The following BTBD8 variants were observed in gnomAD, a reference collection of about 807,000 sequenced individuals.
BTBD8 encodes BTB domain containing 8, also known as BTB/POZ domain-containing protein 8.
A neutral mutation model predicts 162.9 loss-of-function variants in BTBD8; 110 were observed. That is an observed-to-expected ratio of 0.68 (90% CI 0.58 to 0.79). The LOEUF (loss-of-function observed/expected upper bound fraction) is 0.79. Among genes scored for constraint, BTBD8 ranks in the 30% least tolerant of loss-of-function variants. BTBD8 has a pLI of 0.00. For missense variants in BTBD8, 1,905 were observed against 2,085.4 expected (o/e 0.91, Z 1.68); for synonymous variants, 667 against 716.1 (o/e 0.93, Z 1.10).
At position 92,141,177 on chromosome 1, in the gene BTBD8, T is replaced by G; in HGVS notation, c.896T>G (p.Ile299Ser). 1 of 1,585,264 alleles carries G rather than the reference T, an allele frequency of 6.3e-7. No homozygotes were observed. The highest frequency in any genetic ancestry group is 8.6e-7 in the Non-Finnish European group (1 of 1,163,366). ...LEGLKEVAIY[I>S]LRRDYCNFFQ... is the part of the protein sequence containing the mutation. ...GGATTAAAAGAAGTAGCAATCTATA[T>G]TTTAAGAAGAGATTACTGTAATTTC... The change falls in exon 7 of 18, where the codon ATT becomes AGT. Residue 299 changes from isoleucine (I) to serine (S), a missense_variant. Coordinates refer to ENST00000636805, the MANE Select transcript of BTBD8 (RefSeq NM_001376131.1).
intron 9 of BTBD8, among the ~76,000 whole-genome samples, chr1:92,161,516 G>T (rs1212819101): frequency 6.6e-6 from 1 of 152,158 alleles, no homozygotes; most frequent in East Asian, 1.9e-4. Context: ...CTAATATAGA[G>T]AGTTTCTACA....
At chr1:92,111,792 T>C (rs951078383) in intron 4 of BTBD8, among the ~76,000 whole-genome samples, 3 of 152,200 alleles carry the variant, frequency 2.0e-5, no homozygotes, top group Non-Finnish European at 2.9e-5. Flanking sequence ...TAGATATCTG[T>C]AAGACTGGCA....
In BTBD8 at chr1:92,088,987, G is replaced by A. The variant is rs991358840; in HGVS notation, c.347+92G>A. 4 of 1,180,602 alleles carry A rather than the reference G, an allele frequency of 3.4e-6. No individual in the cohort carries two copies. The African/African-American group carries it at 4.7e-5, about 14-fold the overall frequency. 73.1% of individuals were successfully genotyped at this position (1,180,602 alleles called of 1,614,324 possible). ...TTTAATATATTTTCATATGTATTTTGTAACCTGATAAGAAAAATCCATTCA... is the reference window on the plus strand; with the variant it reads ...TTTAATATATTTTCATATGTATTTTATAACCTGATAAGAAAAATCCATTCA... On this transcript the variant is annotated intron_variant, in intron 2 of 17. Transcript: ENST00000636805.
At chr1:92,114,804 A>G in intron 4 of BTBD8, 1 of 289,502 alleles carries the variant, frequency 3.5e-6, no homozygotes, top group Non-Finnish European at 6.6e-6. Flanking sequence ...AGGGGATCTT[A>G]CTCTTTGGAG....
rs907535766 is a variant in BTBD8, at chr1:92,181,537, T to G, written c.3854T>G (p.Ile1285Ser). The part of the protein sequence containing the change: ...QDDDGSNDRG[I>S]SKCGTMLCHD... The stretch of plus-strand genomic sequence containing the variant: ...GATGATGGGTCAAATGACAGAGGTA[T>G]CTCTAAATGTGGCACTATGCTGTGC... Residue 1285 changes from isoleucine (I) to serine (S), a missense_variant, in exon 17 of 18, where the codon ATC becomes AGC. Physicochemically the swap from Ile to Ser is moderately radical, Grantham distance 142 (BLOSUM62 -2). Around this residue, in one of 3 missense-constraint regions of BTBD8, gnomAD observed 517 missense variants for 606.6 expected, o/e 0.85. Transcript: ENST00000636805. The G allele has an allele frequency of 3.9e-6, 6 of 1,551,564 alleles. No homozygotes were observed. In the African/African-American group the frequency reaches 8.2e-5, roughly 21 times the overall value.
At chr1:92,152,164 G>C (rs1000107524) in intron 9 of BTBD8, among the ~76,000 whole-genome samples, 1 of 152,036 alleles carries the variant, frequency 6.6e-6, no homozygotes, top group Non-Finnish European at 1.5e-5. Context: ...TGCTCCATGT[G>C]AGCAAAGATT....
At chr1:92,098,786 A>G (rs1648517346) in intron 2 of BTBD8, among the ~76,000 whole-genome samples, 1 of 152,110 alleles carries the variant, frequency 6.6e-6, no homozygotes, top group Non-Finnish European at 1.5e-5. Flanking sequence ...TCTTTAAACT[A>G]TTATGCTTTT....
In BTBD8 at chr1:92,100,842, C is replaced by T. The variant is rs534994322; in HGVS notation, c.348-1631C>T. ...GGCAGGCTGGTCTCGAACTCCTGAC[C>T]TCGTGATTCGTTTGCCTCGGCCTCC... On this transcript the variant is annotated intron_variant, in intron 2 of 17. Coordinates refer to ENST00000636805, the MANE Select transcript of BTBD8 (RefSeq NM_001376131.1). Among the ~76,000 whole-genome samples, 5 of 152,270 alleles carry T rather than the reference C, an allele frequency of 3.3e-5. No homozygotes were observed. In the East Asian group the frequency reaches 9.6e-4, roughly 29 times the overall value.
intron 4 of BTBD8, among the ~76,000 whole-genome samples, chr1:92,110,249 A>C (rs1648853130): frequency 6.6e-6 from 1 of 152,214 alleles, no homozygotes; most frequent in Non-Finnish European, 1.5e-5. Context: ...AGTGGTTAAG[A>C]GTGTGTGGAC....
At chr1:92,149,651 T>C (rs996718318) in intron 9 of BTBD8, among the ~76,000 whole-genome samples, 2 of 152,218 alleles carry the variant, frequency 1.3e-5, no homozygotes, top group Non-Finnish European at 2.9e-5. Context: ...GCAGCTATTT[T>C]TGGCTTTTAC....
intron 4 of BTBD8, among the ~76,000 whole-genome samples, chr1:92,113,115 T>G (rs1479388899): frequency 6.6e-6 from 1 of 152,206 alleles, no homozygotes; most frequent in Non-Finnish European, 1.5e-5. Context: ...AGAAAATAGT[T>G]TTTGGCATGT....
At position 92,181,324 on chromosome 1, in the gene BTBD8, A is replaced by T; in HGVS notation, c.3641A>T (p.Asn1214Ile). Residue 1214 changes from asparagine (N) to isoleucine (I), a missense_variant, in exon 17 of 18, where the codon AAT becomes ATT. Asn to Ile is a moderately radical substitution (Grantham distance 149, BLOSUM62 -3). Transcript: ENST00000636805. ...CTATCAGAAAAAAATTCTCCTAAAA[A>T]TATGGAAACATCAGAATCTCCAGAG... The part of the protein sequence containing the change: ...GQLSEKNSPK[N>I]METSESPESH... The T allele has an allele frequency of 1.3e-6, 2 of 1,551,500 alleles. No individual in the cohort carries two copies. Among genetic ancestry groups the T allele is most frequent in the Non-Finnish European group, 1.7e-6 (2 of 1,146,950 alleles).
intron 1 of BTBD8, among the ~76,000 whole-genome samples, chr1:92,085,545 C>T (rs561986573): frequency 6.6e-6 from 1 of 152,034 alleles, no homozygotes; most frequent in African/African-American, 2.4e-5. Context: ...CCTGTACTCC[C>T]AGCTACTCAG....
chr1:92,180,860 C>T lies in BTBD8; in HGVS notation c.3177C>T (p.His1059=). Reference sequence around the variant, plus strand: ...AAAGTGAAACAAAATTTCCCAATCACAAAGAAACAGATGATTGCGATGCAG... The same window carrying T: ...AAAGTGAAACAAAATTTCCCAATCATAAAGAAACAGATGATTGCGATGCAG... ...LDKSETKFPN[H]KETDDCDAAN... The change falls in exon 17 of 18, where the codon CAC becomes CAT. Residue 1059 remains histidine, a synonymous_variant. Coordinates refer to ENST00000636805, the MANE Select transcript of BTBD8 (RefSeq NM_001376131.1). 6.4e-7 allele frequency: 1 copy of T among 1,551,552 alleles called. No homozygotes were observed. Among genetic ancestry groups the T allele is most frequent in the Non-Finnish European group, 8.7e-7 (1 of 1,146,962 alleles).
chr1:92,106,708 G>A (rs1648739123), intron 3 of BTBD8, among the ~76,000 whole-genome samples: 1 of 147,536 alleles, frequency 6.8e-6, no homozygotes, highest in East Asian at 2.0e-4. Context: ...CTTTATAGGG[G>A]CCCCTACAAA....
At chr1:92,134,128 TGAAGGAAC>T (rs1649574726) in intron 5 of BTBD8, among the ~76,000 whole-genome samples, 1 of 74,814 alleles carries the variant, frequency 1.3e-5, no homozygotes, top group South Asian at 6.6e-4. Context: ...AACACTTCTG[TGAAGGAAC>T]TCCACTTGTT....
In BTBD8 at chr1:92,080,452, C is replaced by T; in HGVS notation, c.-120C>T. On this transcript the variant is annotated 5_prime_UTR_variant, in exon 1 of 18. Transcript: ENST00000636805. ...ACCGACGAGAGGCGTCAACCTTTTA[C>T]CCTAGGGGGCGGATTTGGGTAGGAG... is the stretch of plus-strand genomic sequence containing the variant. 2 of 1,443,906 alleles carry T rather than the reference C, an allele frequency of 1.4e-6. No individual in the cohort carries two copies. Among genetic ancestry groups the T allele is most frequent in the Non-Finnish European group, 1.9e-6 (2 of 1,080,856 alleles). 89.4% of individuals were successfully genotyped at this position (1,443,906 alleles called of 1,614,324 possible). A position where few individuals can be genotyped will look rare whatever the true frequency, so the allele number is the denominator to read the frequency against.
At chr1:92,111,295 A>G (rs748345671) in intron 4 of BTBD8, among the ~76,000 whole-genome samples, 9 of 152,102 alleles carry the variant, frequency 5.9e-5, no homozygotes, top group Non-Finnish European at 1.3e-4. Context: ...ACCTGGCCCC[A>G]TCATTTCTAA....
chr1:92,080,539 C>G lies in BTBD8; in HGVS notation c.-33C>G, dbSNP rs1334803703. The G allele has an allele frequency of 2.5e-6, 4 of 1,610,750 alleles. No individual in the cohort carries two copies. The highest frequency in any genetic ancestry group is 3.4e-5 in the Admixed American group (2 of 59,256). On this transcript the variant is annotated 5_prime_UTR_variant, in exon 1 of 18. Coordinates refer to ENST00000636805, the MANE Select transcript of BTBD8 (RefSeq NM_001376131.1). ...TGGGCGGGGCAAGTGAGGCCAAGTA[C>G]TGGGCCTCCAGGGCGTCGTACCTCT...
Sources: gnomAD v4.1 joint callset for allele counts (sites outside exome capture counted in the v4.1 genomes callset) on GRCh38, gnomAD v4.1.1 for gene constraint, gnomAD v4.1.1 regional missense constraint, MANE v1.5 for transcripts, NCBI Gene and HGNC (gene_info 2026-07-23, HGNC 2026-07-21) for gene names.